The following NPAS3 variants were observed in gnomAD, a reference collection of about 807,000 sequenced individuals.
The protein encoded by NPAS3 is neuronal PAS domain-containing protein 3.
NPAS3 carries 14 observed loss-of-function variants against 73.1 expected under a neutral mutation model. That is an observed-to-expected ratio of 0.19 (90% CI 0.13 to 0.30). The LOEUF is 0.30. NPAS3 is among the 10% of genes least tolerant of loss of function. The pLI is 1.00. For missense variants in NPAS3, 1,096 were observed against 1,250.0 expected (o/e 0.88, Z 1.86); for synonymous variants, 620 against 541.5 (o/e 1.14, Z -2.01).
chr14:33,636,209 C>T (rs1177042277), intron 5 of NPAS3, among the ~76,000 whole-genome samples: 5 of 152,228 alleles, frequency 3.3e-5, no homozygotes, highest in Admixed American at 1.3e-4. Flanking sequence ...CGTGAGCCAC[C>T]GTGCCTGGCC....
intron 3 of NPAS3, among the ~76,000 whole-genome samples, chr14:33,259,830 AAAAT>A (rs2048905318): frequency 6.7e-6 from 1 of 148,950 alleles, no homozygotes; most frequent in African/African-American, 2.5e-5. Context: ...TTAAAATATG[AAAAT>A]AAATAATAAG....
intron 1 of NPAS3, among the ~76,000 whole-genome samples, chr14:32,954,576 T>C (rs543625406): frequency 3.3e-5 from 5 of 152,140 alleles, no homozygotes; most frequent in Non-Finnish European, 7.4e-5. Context: ...TTCTTTCTTC[T>C]GGGGCCCCTC....
intron 2 of NPAS3, among the ~76,000 whole-genome samples, chr14:33,177,498 TA>T (rs958874332): frequency 1.7e-4 from 25 of 151,408 alleles, no homozygotes; most frequent in South Asian, 1.0e-3. Flanking sequence ...TCCTATAATG[TA>T]AAAAAAAAGA....
At position 33,278,772 on chromosome 14, in the gene NPAS3, T is replaced by C. The variant is rs1051864375; in HGVS notation, c.385+63346T>C. Reference sequence around the variant, plus strand: ...TTAAAGCATTCTAAGTTCAGTGATATTCAACTCAAATATATCATACCACAT... The same window carrying C: ...TTAAAGCATTCTAAGTTCAGTGATACTCAACTCAAATATATCATACCACAT... On this transcript the variant is annotated intron_variant, in intron 3 of 11. Coordinates refer to ENST00000356141, the Ensembl canonical transcript of NPAS3. Among the ~76,000 whole-genome samples the C allele has an allele frequency of 2.6e-5, 4 of 152,190 alleles. No homozygotes were observed. The South Asian group carries it at 8.3e-4, about 32-fold the overall frequency.
At chr14:33,654,902 T>C (rs932251767) in intron 5 of NPAS3, among the ~76,000 whole-genome samples, 1 of 152,154 alleles carries the variant, frequency 6.6e-6, no homozygotes, top group Non-Finnish European at 1.5e-5. Context: ...TTACAAAGTG[T>C]TCTAAATTGG....
chr14:33,620,511 T>A (rs1023647673), intron 5 of NPAS3, among the ~76,000 whole-genome samples: 3 of 152,190 alleles, frequency 2.0e-5, no homozygotes, highest in Non-Finnish European at 1.5e-5. Context: ...TATATACGTG[T>A]GCATTCACAA....
intron 3 of NPAS3, among the ~76,000 whole-genome samples, chr14:33,354,659 C>T (rs1409401853): frequency 6.6e-6 from 1 of 152,164 alleles, no homozygotes; most frequent in Non-Finnish European, 1.5e-5. Context: ...CCTTCAACTT[C>T]CCATCTTCTC....
In NPAS3 at chr14:32,941,309, C is replaced by CTCCTTCCTTCCTTCCTTCCTTCCT. The variant is rs1226851739; in HGVS notation, c.50+1962_50+1985dup. On this transcript the variant is annotated intron_variant, in intron 1 of 11. Coordinates refer to ENST00000356141, the Ensembl canonical transcript of NPAS3. The stretch of plus-strand genomic sequence containing the variant: ...CCTCCCTCCCTCCCTCCCTCCCTCC[C>CTCCTTCCTTCCTTCCTTCCTTCCT]TCCTTCCTTCCTTCCTTCCTTCCTT... 5.4e-3 allele frequency among the ~76,000 whole-genome samples: 37 copies of CTCCTTCCTTCCTTCCTTCCTTCCT among 6,872 alleles called. 1 individual carries two copies. The highest frequency in any genetic ancestry group is 8.3e-3 in the African/African-American group (12 of 1,450). The allele number at this position is 6,872 out of a possible 152,430, so 4.5% of individuals were successfully genotyped here. A position where few individuals can be genotyped will look rare whatever the true frequency, so the allele number is the denominator to read the frequency against.
chr14:33,162,420 T>C (rs2044929630), intron 2 of NPAS3, among the ~76,000 whole-genome samples: 1 of 152,208 alleles, frequency 6.6e-6, no homozygotes, highest in African/African-American at 2.4e-5. Flanking sequence ...CATTTTTATT[T>C]ACATAGCCTC....
chr14:33,586,999 A>G (rs983695932), intron 5 of NPAS3, among the ~76,000 whole-genome samples: 8 of 152,216 alleles, frequency 5.3e-5, no homozygotes, highest in Non-Finnish European at 1.2e-4. Flanking sequence ...CGGCTCCCCA[A>G]ACAAGGAGCT....
chr14:33,503,372 C>T (rs994615227), intron 4 of NPAS3, among the ~76,000 whole-genome samples: 2 of 151,870 alleles, frequency 1.3e-5, no homozygotes, highest in African/African-American at 4.8e-5. Flanking sequence ...AATGTTCATG[C>T]CATTGAATGG....
intron 5 of NPAS3, among the ~76,000 whole-genome samples, chr14:33,620,140 A>G (rs1567060344): frequency 6.6e-6 from 1 of 152,190 alleles, no homozygotes; most frequent in South Asian, 2.1e-4. Flanking sequence ...TCCTGTGGTG[A>G]TGATATAGAT....
intron 2 of NPAS3, among the ~76,000 whole-genome samples, chr14:33,208,421 C>T (rs2046910223): frequency 1.3e-5 from 2 of 152,154 alleles, no homozygotes; most frequent in East Asian, 1.9e-4. Flanking sequence ...TAAGTTCAAA[C>T]ATACACAAGG....
intron 4 of NPAS3, among the ~76,000 whole-genome samples, chr14:33,516,378 ATTC>A (rs1274747455): frequency 6.6e-6 from 1 of 152,148 alleles, no homozygotes; most frequent in African/African-American, 2.4e-5. Context: ...GTCTGTTTTC[ATTC>A]TTCTACCACT....
chr14:32,989,309 T>A (rs1211459451), intron 1 of NPAS3, among the ~76,000 whole-genome samples: 1 of 152,164 alleles, frequency 6.6e-6, no homozygotes, highest in African/African-American at 2.4e-5. Flanking sequence ...GAGGTAGTCC[T>A]ATACAGGAAA....
intron 4 of NPAS3, among the ~76,000 whole-genome samples, chr14:33,470,933 T>TAAAA (rs59672930): frequency 0.22 from 30,958 of 140,428 alleles, 4,398 homozygotes; most frequent in African/African-American, 0.39. Flanking sequence ...AGAGCATATT[T>TAAAA]AAAAAAAAAA....
At chr14:33,372,771 A>G (rs1317765961) in intron 4 of NPAS3, among the ~76,000 whole-genome samples, 2 of 152,170 alleles carry the variant, frequency 1.3e-5, no homozygotes, top group East Asian at 1.9e-4. Context: ...TCTGATTTTT[A>G]TAAATTAGAT....
In NPAS3 at chr14:33,674,461, T is replaced by C. The variant is rs571435790; in HGVS notation, c.559-1750T>C. ...AATATTAAAACACACATTTTATTAG[T>C]TCCATTTAATTTCTTAATTGCTCAA... On this transcript the variant is annotated intron_variant, in intron 5 of 11. Coordinates refer to ENST00000356141, the Ensembl canonical transcript of NPAS3. 2.0e-5 allele frequency among the ~76,000 whole-genome samples: 3 copies of C among 152,354 alleles called. No homozygotes were observed. In the East Asian group the frequency reaches 5.8e-4, roughly 29 times the overall value.
chr14:33,475,476 C>T (rs529537109), intron 4 of NPAS3, among the ~76,000 whole-genome samples: 55 of 149,464 alleles, frequency 3.7e-4, no homozygotes, highest in Non-Finnish European at 6.6e-4. Context: ...CAAAGCATAT[C>T]GATGCCACAG....
Sources: gnomAD v4.1 joint callset for allele counts (sites outside exome capture counted in the v4.1 genomes callset) on GRCh38, gnomAD v4.1.1 for gene constraint, MANE v1.5 for transcripts, NCBI Gene and HGNC (gene_info 2026-07-23, HGNC 2026-07-21) for gene names.